Variants in PMM2 observed in about 807,000 individuals in gnomAD.
The protein encoded by PMM2 is phosphomannomutase 2, also known as mannose-6-phosphate isomerase.
In PMM2, 35 loss-of-function variants were observed where a neutral mutation model predicts 33.2. The ratio of observed to expected loss-of-function variants is 1.06; its 90% CI spans 0.81 to 1.40. The LOEUF (loss-of-function observed/expected upper bound fraction) is 1.40, where lower values mean the gene tolerates loss of function less well. Among genes scored for constraint, PMM2 ranks in the 40% most tolerant of loss-of-function variants. The pLI is 0.00. For missense variants in PMM2, 386 were observed against 306.0 expected, an observed-to-expected ratio of 1.26 and a Z score of -1.95; for synonymous variants, 153 against 114.7, an observed-to-expected ratio of 1.33 and a Z score of -2.13.
chr16:8,841,129 C>A (rs576010842), intron 7 of PMM2, among the ~76,000 whole-genome samples: 1 of 151,416 alleles, frequency 6.6e-6, no homozygotes, highest in Non-Finnish European at 1.5e-5. Flanking sequence ...TGATGTGTAC[C>A]TTTAAAAGAC....
Position 8,848,294 on chromosome 16 carries a change from C to G in PMM2, c.*469C>G. The G allele has an allele frequency of 5.2e-6, 1 of 193,214 alleles. No homozygotes were observed. The allele number at this position is 193,214 out of a possible 1,614,324, so 12.0% of individuals were successfully genotyped here. On this transcript the variant is annotated 3_prime_UTR_variant, in exon 8 of 8. Transcript: ENST00000268261. ...GGACAGGCCATCTGCAGTGACCCAGCCCAGGACGAAGTTTACAAACACCTC... is the reference window on the plus strand; with the variant it reads ...GGACAGGCCATCTGCAGTGACCCAGGCCAGGACGAAGTTTACAAACACCTC...
At chr16:8,808,628 C>G (rs2060659557) in intron 4 of PMM2, 1 of 152,260 alleles carries the variant, frequency 6.6e-6, no homozygotes, top group Admixed American at 6.5e-5. Context: ...AGTAAACCAC[C>G]TTCAGCCTTG....
intron 7 of PMM2, chr16:8,832,089 T>G (rs1363631950): frequency 1.0e-6 from 1 of 964,186 alleles, no homozygotes; most frequent in African/African-American, 1.8e-5. Flanking sequence ...TTCCTTTCAT[T>G]TCATTTGGGG....
intron 7 of PMM2, among the ~76,000 whole-genome samples, chr16:8,824,806 A>C (rs1311409244): frequency 6.6e-6 from 1 of 152,138 alleles, no homozygotes; most frequent in African/African-American, 2.4e-5. Flanking sequence ...AACAGGAAAA[A>C]CCTTTACTCT....
intron 7 of PMM2, among the ~76,000 whole-genome samples, chr16:8,828,955 G>C (rs2060793745): frequency 6.6e-6 from 1 of 152,176 alleles, no homozygotes; most frequent in African/African-American, 2.4e-5. Context: ...AGGCATGTGA[G>C]AGCTGGTTGT....
At position 8,848,273 on chromosome 16, in the gene PMM2, A is replaced by G. The variant is rs2060942324; in HGVS notation, c.*448A>G. 2 of 216,748 alleles carry G rather than the reference A, an allele frequency of 9.2e-6. No individual in the cohort carries two copies. The highest frequency in any genetic ancestry group is 2.3e-5 in the African/African-American group (1 of 43,574). The allele number at this position is 216,748 out of a possible 1,614,324, so 13.4% of individuals were successfully genotyped here. A position where few individuals can be genotyped will look rare whatever the true frequency, so the allele number is the denominator to read the frequency against. On this transcript the variant is annotated 3_prime_UTR_variant, in exon 8 of 8. Transcript: ENST00000268261. ...GGGTTTGGTAATGAGAAACCAGGAC[A>G]GGCCATCTGCAGTGACCCAGCCCAG...
chr16:8,836,519 T>C (rs1320333161), intron 7 of PMM2, among the ~76,000 whole-genome samples: 1 of 152,042 alleles, frequency 6.6e-6, no homozygotes, highest in Admixed American at 6.6e-5. Context: ...GCCTGGCTGC[T>C]GCGGTTCAGG....
intron 7 of PMM2, among the ~76,000 whole-genome samples, chr16:8,826,586 T>G (rs2141033036): frequency 6.6e-6 from 1 of 152,358 alleles, no homozygotes; most frequent in South Asian, 2.1e-4. Flanking sequence ...ATTTCATCAA[T>G]AATCTTTAAA....
intron 7 of PMM2, among the ~76,000 whole-genome samples, chr16:8,819,825 G>C: frequency 6.6e-6 from 1 of 152,172 alleles, no homozygotes; most frequent in East Asian, 1.9e-4. Flanking sequence ...GCTCCCAGGG[G>C]AGACAGCAGC....
intron 7 of PMM2, among the ~76,000 whole-genome samples, chr16:8,813,837 G>C (rs989296259): frequency 1.3e-5 from 2 of 149,238 alleles, no homozygotes; most frequent in Non-Finnish European, 3.0e-5. Context: ...CCCAGCTTTG[G>C]GCCAGCTCCT....
At chr16:8,813,208 G>A (rs1377879468) in intron 7 of PMM2, 102 bp downstream of exon 7, 12 of 807,762 alleles carry the variant, frequency 1.5e-5, no homozygotes, top group Middle Eastern at 4.4e-4. Context: ...TTACCCACCC[G>A]CCCTGCTCAA....
chr16:8,826,805 T>C lies in PMM2; in HGVS notation c.639+13699T>C, dbSNP rs185945424. On this transcript the variant is annotated intron_variant, in intron 7 of 7. Transcript: ENST00000268261. ...TTGCTGATTTTTTAGGGGTTTTTTT[T>C]CCCCATTTTACAAATCTTGTCACGA... is the stretch of plus-strand genomic sequence containing the variant. 5.3e-3 allele frequency among the ~76,000 whole-genome samples: 803 copies of C among 152,278 alleles called. 4 individuals are homozygous for C. Among genetic ancestry groups the C allele is most frequent in the Non-Finnish European group, 7.1e-3 (482 of 68,032 alleles).
chr16:8,840,339 G>A (rs1407173593), intron 7 of PMM2, among the ~76,000 whole-genome samples: 1 of 152,016 alleles, frequency 6.6e-6, no homozygotes, highest in Non-Finnish European at 1.5e-5. Flanking sequence ...AAGAGTGGCA[G>A]TTTGGGGATA....
Position 8,802,052 on chromosome 16 carries a change from C to A in PMM2, c.178+142C>A, listed in dbSNP as rs2304471. Reference sequence around the variant, plus strand: ...CCTTTTTTGGGAAACATTTTCTTGGCCTTTGCTTTTCCTCTGCTTTTAATC... The same window carrying A: ...CCTTTTTTGGGAAACATTTTCTTGGACTTTGCTTTTCCTCTGCTTTTAATC... On this transcript the variant is annotated intron_variant, in intron 2 of 7. Transcript: ENST00000268261. 139,522 of 659,834 alleles carry A rather than the reference C, an allele frequency of 0.21. 16,012 individuals are homozygous for A. The highest frequency in any genetic ancestry group is 0.32 in the South Asian group (21,454 of 66,382). The allele number at this position is 659,834 out of a possible 1,614,324, so 40.9% of individuals were successfully genotyped here.
intron 2 of PMM2, among the ~76,000 whole-genome samples, chr16:8,804,013 G>GT (rs941201364): frequency 2.2e-5 from 2 of 92,320 alleles, no homozygotes; most frequent in African/African-American, 9.6e-5. Context: ...TTTGTTTTTT[G>GT]TTTTTTGGGT....
At chr16:8,834,595 G>A (rs955574159) in intron 7 of PMM2, among the ~76,000 whole-genome samples, 4 of 152,238 alleles carry the variant, frequency 2.6e-5, no homozygotes, top group South Asian at 2.1e-4. Context: ...GGGAAGGGAG[G>A]GGGCCTGAAT....
At chr16:8,807,875 A>G (rs7192073) in intron 4 of PMM2, 1 of 152,144 alleles carries the variant, frequency 6.6e-6, no homozygotes, top group African/African-American at 2.4e-5. Flanking sequence ...AATAGTAATA[A>G]TAATAATGAT....
chr16:8,819,335 G>C (rs1025778456), intron 7 of PMM2, among the ~76,000 whole-genome samples: 2 of 152,144 alleles, frequency 1.3e-5, no homozygotes, highest in African/African-American at 4.8e-5. Context: ...TAATGTGCTG[G>C]CTACATTTTT....
chr16:8,803,882 C>CA (rs1207397573), intron 2 of PMM2, among the ~76,000 whole-genome samples: 1 of 151,198 alleles, frequency 6.6e-6, no homozygotes. Context: ...CGGGGTTTTA[C>CA]CATGTTGGCC....
Sources: allele counts gnomAD v4.1 joint callset (sites outside exome capture counted in the v4.1 genomes callset), GRCh38; gene constraint gnomAD v4.1.1; transcripts MANE v1.5; gene names NCBI Gene and HGNC (gene_info 2026-07-23, HGNC 2026-07-21).